The following CDC42BPB variants were observed in gnomAD, a reference collection of about 807,000 sequenced individuals.
CDC42BPB encodes CDC42 binding protein kinase beta, also known as serine/threonine-protein kinase MRCK beta.
CDC42BPB carries 37 observed loss-of-function variants against 214.9 expected under a neutral mutation model. That is an observed-to-expected ratio of 0.17 (90% confidence interval 0.13 to 0.23). The LOEUF is 0.23. Among genes scored for constraint, CDC42BPB ranks in the 10% least tolerant of loss-of-function variants. The pLI is 1.00. For missense variants in CDC42BPB, 1,694 were observed against 2,227.0 expected (o/e 0.76, Z 4.82); for synonymous variants, 931 against 884.0 (o/e 1.05, Z -0.94).
At chr14:102,939,528 G>T in intron 34 of CDC42BPB, 82 bp downstream of exon 34, 1 of 1,007,056 alleles carries the variant, frequency 9.9e-7, no homozygotes, top group East Asian at 2.4e-5. Flanking sequence ...CTGCCTTTGG[G>T]ACAGTCTCAG....
rs71119749 is a variant in CDC42BPB, at chr14:102,974,281, T to TACACACACACACAC, written c.1508-146_1508-133dup. The stretch of plus-strand genomic sequence containing the variant: ...TTTTTCATTCAGAGGTTTTTTTACT[T>TACACACACACACAC]ACACACACACACACACACACACACA... On this transcript the variant is annotated intron_variant, in intron 11 of 36. Coordinates refer to ENST00000361246, the MANE Select transcript of CDC42BPB (RefSeq NM_006035.4). The TACACACACACACAC allele has an allele frequency of 2.8e-4, 372 of 1,316,098 alleles. 3 individuals are homozygous for TACACACACACACAC. The African/African-American group carries it at 4.4e-3, about 15-fold the overall frequency. The allele number at this position is 1,316,098 out of a possible 1,614,324, so 81.5% of individuals were successfully genotyped here.
chr14:103,052,643 A>C (rs1418977443), intron 1 of CDC42BPB, among the ~76,000 whole-genome samples: 1 of 152,174 alleles, frequency 6.6e-6, no homozygotes, highest in Non-Finnish European at 1.5e-5. Context: ...CCAGAAGACT[A>C]GGAGGATTAA....
At chr14:103,020,478 A>ACGGG (rs1819949797) in intron 1 of CDC42BPB, among the ~76,000 whole-genome samples, 1 of 152,204 alleles carries the variant, frequency 6.6e-6, no homozygotes. Flanking sequence ...GCACCTACCG[A>ACGGG]CGGCCCAGCA....
rs886948567 is a variant in CDC42BPB, at chr14:102,943,156, G to A, written c.4408+735C>T. 3.3e-5 allele frequency among the ~76,000 whole-genome samples: 5 copies of A among 152,174 alleles called. No individual in the cohort carries two copies. The highest frequency in any genetic ancestry group is 9.7e-5 in the African/African-American group (4 of 41,432). ...CAAAGTGCTGGGATTACAGGTGTGA[G>A]CCATATTTTGTTATTTAGTAGAGAT... On this transcript the variant is annotated intron_variant, in intron 30 of 36. Coordinates refer to ENST00000361246, the MANE Select transcript of CDC42BPB (RefSeq NM_006035.4). This position sits in a 1 kb window ranked among gnomAD's most constrained non-coding sequence, Gnocchi z 4.6.
At chr14:103,033,483 A>T (rs1887504363) in intron 1 of CDC42BPB, among the ~76,000 whole-genome samples, 1 of 152,126 alleles carries the variant, frequency 6.6e-6, no homozygotes, top group South Asian at 2.1e-4. Context: ...CGGCCTCCCA[A>T]AGTGCTGGGA....
At chr14:103,034,777 C>T (rs1887574524) in intron 1 of CDC42BPB, among the ~76,000 whole-genome samples, 1 of 149,170 alleles carries the variant, frequency 6.7e-6, no homozygotes, top group Non-Finnish European at 1.5e-5. Context: ...AAGATCGTGC[C>T]ACTGCGCTCC....
In CDC42BPB at chr14:103,042,041, T is replaced by G. The variant is rs34040939; in HGVS notation, c.175+14958A>C. ...CATGCTGACGCCCGGCTCTTTGGCATACCGGCAAAGAGACAAGGAAGCTGA... is the reference window on the plus strand; with the variant it reads ...CATGCTGACGCCCGGCTCTTTGGCAGACCGGCAAAGAGACAAGGAAGCTGA... On this transcript the variant is annotated intron_variant, in intron 1 of 36. Coordinates refer to ENST00000361246, the MANE Select transcript of CDC42BPB (RefSeq NM_006035.4). 100 of 206,406 alleles carry G rather than the reference T, an allele frequency of 4.8e-4. 1 individual carries two copies. The highest frequency in any genetic ancestry group is 2.0e-3 in the African/African-American group (87 of 42,878). 12.8% of individuals were successfully genotyped at this position (206,406 alleles called of 1,614,324 possible).
intron 20 of CDC42BPB, among the ~76,000 whole-genome samples, chr14:102,961,106 G>A (rs1892936390): frequency 6.6e-6 from 1 of 152,160 alleles, no homozygotes; most frequent in Non-Finnish European, 1.5e-5. Context: ...AGTTGAGGCT[G>A]CAGTGAACCC....
intron 5 of CDC42BPB, among the ~76,000 whole-genome samples, chr14:102,996,296 T>C (rs544029139): frequency 7.2e-5 from 11 of 151,918 alleles, no homozygotes; most frequent in Middle Eastern, 3.4e-3. Context: ...GCTGAGATGA[T>C]GCCACTGCAC....
intron 13 of CDC42BPB, among the ~76,000 whole-genome samples, chr14:102,971,435 A>C (rs1893468461): frequency 6.6e-6 from 1 of 152,192 alleles, no homozygotes. Flanking sequence ...CTGAGCCAAG[A>C]CACTTCAGAA....
At position 102,967,061 on chromosome 14, in the gene CDC42BPB, G is replaced by C; in HGVS notation, c.2456C>G (p.Ala819Gly). Residue 819 changes from alanine to glycine, a missense_variant, in exon 17 of 37, where the codon GCG becomes GGG. Ala to Gly is a moderately conservative substitution (Grantham distance 60). Coordinates refer to ENST00000361246, the MANE Select transcript of CDC42BPB (RefSeq NM_006035.4). ...GCGCACGTACCACTGAATGATTTCC[G>C]CAATCTGAGCTTCCCAGTGGGCCAC... ...ESVAHWEAQI[A>G]EIIQWVSDEK... is the part of the protein sequence containing the mutation. 1 of 1,614,030 alleles carries C rather than the reference G, an allele frequency of 6.2e-7. No individual in the cohort carries two copies. Among genetic ancestry groups the C allele is most frequent in the Non-Finnish European group, 8.5e-7 (1 of 1,180,008 alleles).
chr14:102,971,555 G>A (rs1229007523), intron 13 of CDC42BPB, among the ~76,000 whole-genome samples: 1 of 152,236 alleles, frequency 6.6e-6, no homozygotes, highest in Non-Finnish European at 1.5e-5. Context: ...GCCTCCCACA[G>A]TGTTGGGATT....
chr14:102,987,745 G>C (rs553225947), intron 5 of CDC42BPB, among the ~76,000 whole-genome samples: 4 of 150,554 alleles, frequency 2.7e-5, no homozygotes, highest in South Asian at 2.1e-4. Flanking sequence ...TAAACATTCA[G>C]GAATACGAAA....
At chr14:102,966,492 T>C in intron 17 of CDC42BPB, 105 bp from the exon 18 acceptor site, 1 of 1,521,054 alleles carries the variant, frequency 6.6e-7, no homozygotes, top group Non-Finnish European at 8.9e-7. Context: ...TGACACAGTG[T>C]CACGTCAGCT....
At chr14:103,042,649 A>T (rs886832516) in intron 1 of CDC42BPB, among the ~76,000 whole-genome samples, 2 of 152,234 alleles carry the variant, frequency 1.3e-5, no homozygotes, top group Non-Finnish European at 2.9e-5. Flanking sequence ...GAACTTGAAT[A>T]GACATTTATC....
intron 19 of CDC42BPB, 64 bp from the exon 20 acceptor site, chr14:102,963,219 G>A (rs932943487): frequency 1.3e-6 from 2 of 1,551,994 alleles, no homozygotes; most frequent in African/African-American, 2.7e-5. Context: ...CTGGTATGGG[G>A]CAGGTCAGGA....
At chr14:102,970,752 G>A (rs1301226116) in intron 13 of CDC42BPB, among the ~76,000 whole-genome samples, 2 of 152,072 alleles carry the variant, frequency 1.3e-5, no homozygotes, top group African/African-American at 4.8e-5. Flanking sequence ...CCCCATATGT[G>A]GAATGCTAAT....
At position 102,954,259 on chromosome 14, in the gene CDC42BPB, G is replaced by A. The variant is rs186167635; in HGVS notation, c.3005C>T (p.Pro1002Leu). ...CAACGGCACAGCGGATGGCCTCTGC[G>A]GGGGCCGAGCCATGTCCTGGGAGAC... The part of the protein sequence containing the change: ...SEQQEDMARP[P>L]QRPSAVPLPT... The change falls in exon 23 of 37, where the codon CCG becomes CTG. Residue 1002 changes from proline (P) to leucine (L), a missense_variant. Transcript: ENST00000361246. 25 of 1,535,030 alleles carry A rather than the reference G, an allele frequency of 1.6e-5. No homozygotes were observed. Among genetic ancestry groups the A allele is most frequent in the Middle Eastern group, 1.7e-4 (1 of 5,856 alleles).
chr14:103,043,679 A>C (rs76458178), intron 1 of CDC42BPB, among the ~76,000 whole-genome samples: 1 of 145,252 alleles, frequency 6.9e-6, no homozygotes, highest in Admixed American at 6.9e-5. Flanking sequence ...AAGCTGTTAC[A>C]AAAAAAAAAA....
Sources: allele counts gnomAD v4.1 joint callset (sites outside exome capture counted in the v4.1 genomes callset), GRCh38; gene constraint gnomAD v4.1.1; non-coding constraint Gnocchi (gnomAD v3.1); transcripts MANE v1.5; gene names NCBI Gene and HGNC (gene_info 2026-07-23, HGNC 2026-07-21).